SNTG1: variants seen among roughly 807,000 people sequenced by gnomAD.
SNTG1 encodes syntrophin gamma 1.
In SNTG1, 39 loss-of-function variants were observed where a neutral mutation model predicts 74.7. The ratio of observed to expected loss-of-function variants is 0.52; its 90% CI spans 0.40 to 0.68. SNTG1 has a LOEUF of 0.68. Among genes scored for constraint, SNTG1 ranks in the 30% least tolerant of loss-of-function variants. SNTG1 has a pLI of 0.00. For synonymous variants in SNTG1, 254 were observed against 217.1 expected (o/e 1.17, Z -1.49); for missense variants, 685 against 609.5 (o/e 1.12, Z -1.30).
chr8:50,620,974 G>A (rs1219571340), intron 13 of SNTG1, among the ~76,000 whole-genome samples: 1 of 152,092 alleles, frequency 6.6e-6, no homozygotes, highest in Non-Finnish European at 1.5e-5. Flanking sequence ...AGGCCATGCA[G>A]AATTTGCCAT....
chr8:50,126,018 C>G (rs2081126816), intron 1 of SNTG1, among the ~76,000 whole-genome samples: 1 of 152,066 alleles, frequency 6.6e-6, no homozygotes, highest in African/African-American at 2.4e-5. Flanking sequence ...TGAACTTTTC[C>G]TGCCATGCTT....
chr8:50,075,826 G>A (rs1289222280), intron 1 of SNTG1, among the ~76,000 whole-genome samples: 1 of 152,062 alleles, frequency 6.6e-6, no homozygotes, highest in African/African-American at 2.4e-5. Context: ...CAACACGAAG[G>A]TCTGCAACTT....
chr8:49,912,498 A>G (rs970958573), intron 1 of SNTG1, among the ~76,000 whole-genome samples: 2 of 151,906 alleles, frequency 1.3e-5, no homozygotes, highest in Non-Finnish European at 2.9e-5. Flanking sequence ...TATCTTGTTT[A>G]TTTTTTCCCA....
intron 13 of SNTG1, among the ~76,000 whole-genome samples, chr8:50,620,689 CAGG>C (rs1263189352): frequency 2.6e-5 from 4 of 152,138 alleles, no homozygotes; most frequent in Non-Finnish European, 5.9e-5. Context: ...TACATATTTA[CAGG>C]AGAAGTAACA....
intron 2 of SNTG1, among the ~76,000 whole-genome samples, chr8:50,313,483 A>G (rs1489962785): frequency 1.3e-5 from 2 of 149,836 alleles, no homozygotes; most frequent in African/African-American, 5.0e-5. Context: ...ATCCTGTGAA[A>G]AAATGGGCAA....
intron 9 of SNTG1, among the ~76,000 whole-genome samples, chr8:50,528,826 T>G (rs1273260310): frequency 6.6e-6 from 1 of 151,712 alleles, no homozygotes; most frequent in East Asian, 1.9e-4. Flanking sequence ...GCTATGGGTT[T>G]ATCTAATTTA....
intron 1 of SNTG1, among the ~76,000 whole-genome samples, chr8:50,083,514 A>G (rs1043704862): frequency 2.0e-5 from 3 of 152,228 alleles, no homozygotes; most frequent in Non-Finnish European, 2.9e-5. Flanking sequence ...ACAGAAAGCA[A>G]CTGGAAATCT....
At chr8:50,500,365 T>A (rs1156968687) in intron 8 of SNTG1, among the ~76,000 whole-genome samples, 1 of 151,984 alleles carries the variant, frequency 6.6e-6, no homozygotes, top group African/African-American at 2.4e-5. Context: ...TTAAAATTTA[T>A]GAAAAAATAT....
At chr8:49,960,410 G>GC (rs1244891250) in intron 1 of SNTG1, among the ~76,000 whole-genome samples, 2 of 152,232 alleles carry the variant, frequency 1.3e-5, no homozygotes, top group East Asian at 3.9e-4. Flanking sequence ...TAAATTGTAT[G>GC]TTTTTGGGCC....
intron 2 of SNTG1, among the ~76,000 whole-genome samples, chr8:50,277,363 AT>A (rs1298498395): frequency 6.6e-6 from 1 of 151,994 alleles, no homozygotes; most frequent in Non-Finnish European, 1.5e-5. Flanking sequence ...ATGGTTTAAT[AT>A]TCTTTTATAC....
At position 49,968,174 on chromosome 8, in the gene SNTG1, T is replaced by A. The variant is rs187641702; in HGVS notation, c.-103+55943T>A. 2.6e-5 allele frequency among the ~76,000 whole-genome samples: 4 copies of A among 152,272 alleles called. No homozygotes were observed. In the East Asian group the frequency reaches 7.7e-4, roughly 29 times the overall value. On this transcript the variant is annotated intron_variant, in intron 1 of 18. Coordinates refer to ENST00000642720, the MANE Select transcript of SNTG1 (RefSeq NM_018967.5). Reference sequence around the variant, plus strand: ...TGGGCAGAGCAGAAGGAAAAATGTATTTTGTTCTTCCAATTTCTTTGTGTC... The same window carrying A: ...TGGGCAGAGCAGAAGGAAAAATGTAATTTGTTCTTCCAATTTCTTTGTGTC...
chr8:50,656,825 T>C, intron 13 of SNTG1, 84 bp from the exon 14 acceptor site: 3 of 880,642 alleles, frequency 3.4e-6, no homozygotes, highest in Non-Finnish European at 5.3e-6. Context: ...AAAATATTTT[T>C]AATATTTGCA....
chr8:50,257,124 C>A (rs1394611214), intron 2 of SNTG1, among the ~76,000 whole-genome samples: 2 of 152,078 alleles, frequency 1.3e-5, no homozygotes, highest in African/African-American at 4.8e-5. Context: ...ACACCCAAAA[C>A]CCTTCGGCTT....
At chr8:50,341,572 C>T (rs1384735794) in intron 2 of SNTG1, among the ~76,000 whole-genome samples, 5 of 151,922 alleles carry the variant, frequency 3.3e-5, no homozygotes, top group African/African-American at 9.6e-5. Flanking sequence ...AGTCATAAGA[C>T]GTGTGGCTGA....
chr8:50,003,996 T>C (rs901674369), intron 1 of SNTG1, among the ~76,000 whole-genome samples: 2 of 152,188 alleles, frequency 1.3e-5, no homozygotes, highest in African/African-American at 4.8e-5. Flanking sequence ...CTTTTACTCC[T>C]GTTTTGATCG....
At chr8:50,406,916 G>A (rs1488547763) in intron 4 of SNTG1, among the ~76,000 whole-genome samples, 1 of 152,076 alleles carries the variant, frequency 6.6e-6, no homozygotes, top group Non-Finnish European at 1.5e-5. Flanking sequence ...TGCATCTGAG[G>A]AAAGCCAATC....
At chr8:50,562,912 A>G (rs1563580050) in intron 12 of SNTG1, among the ~76,000 whole-genome samples, 1 of 152,226 alleles carries the variant, frequency 6.6e-6, no homozygotes, top group Admixed American at 6.5e-5. Flanking sequence ...CATCAGAGAA[A>G]CAATGATCAG....
intron 2 of SNTG1, among the ~76,000 whole-genome samples, chr8:50,283,687 T>G (rs2088602203): frequency 6.6e-6 from 1 of 152,170 alleles, no homozygotes; most frequent in Non-Finnish European, 1.5e-5. Context: ...CTGAGTACAT[T>G]ACCTGGCCAA....
chr8:49,970,429 A>G (rs1811556698), intron 1 of SNTG1, among the ~76,000 whole-genome samples: 1 of 152,212 alleles, frequency 6.6e-6, no homozygotes, highest in Admixed American at 6.5e-5. Context: ...AACATCTAGC[A>G]TTTAGTGACC....
Sources: allele counts gnomAD v4.1 joint callset (sites outside exome capture counted in the v4.1 genomes callset), GRCh38; gene constraint gnomAD v4.1.1; transcripts MANE v1.5; gene names NCBI Gene and HGNC (gene_info 2026-07-23, HGNC 2026-07-21).